Variants in GRK3 observed in about 807,000 individuals in gnomAD.
GRK3 encodes the protein G protein-coupled receptor kinase 3.
GRK3 carries 54 observed loss-of-function variants against 95.7 expected under a neutral mutation model. The ratio of observed to expected loss-of-function variants is 0.56; its 90% CI spans 0.45 to 0.71. The LOEUF (loss-of-function observed/expected upper bound fraction) is 0.71. Among genes scored for constraint, GRK3 ranks in the 30% least tolerant of loss-of-function variants. GRK3 has a pLI of 0.00. For missense variants in GRK3, 649 were observed against 851.2 expected (o/e 0.76, Z 2.96); for synonymous variants, 281 against 290.8 (o/e 0.97, Z 0.34).
At chr22:25,638,009 A>G (rs2084715375) in intron 2 of GRK3, among the ~76,000 whole-genome samples, 1 of 152,188 alleles carries the variant, frequency 6.6e-6, no homozygotes, top group African/African-American at 2.4e-5. Flanking sequence ...ACTGATCTAA[A>G]TTTTAATCTC....
intron 14 of GRK3, 31 bp downstream of exon 14, chr22:25,703,607 G>T: frequency 2.0e-6 from 3 of 1,480,208 alleles, no homozygotes; most frequent in Non-Finnish European, 2.8e-6. Context: ...ATTCTTGTCT[G>T]TATGGTAATT....
intron 18 of GRK3, among the ~76,000 whole-genome samples, chr22:25,714,847 T>A (rs1293563089): frequency 6.6e-6 from 1 of 152,138 alleles, no homozygotes; most frequent in African/African-American, 2.4e-5. Context: ...CGTTTTTTCC[T>A]TCCAGATTGA....
chr22:25,700,382 G>T (rs1189397374), intron 13 of GRK3, among the ~76,000 whole-genome samples: 1 of 152,180 alleles, frequency 6.6e-6, no homozygotes, highest in Admixed American at 6.5e-5. Context: ...CAGTGGCCTC[G>T]ATCTTAAGCT....
intron 2 of GRK3, among the ~76,000 whole-genome samples, chr22:25,637,089 T>C (rs1182227165): frequency 6.6e-6 from 1 of 150,772 alleles, no homozygotes; most frequent in Non-Finnish European, 1.5e-5. Flanking sequence ...TCATCCTTTC[T>C]CTCTTTTTGA....
intron 2 of GRK3, among the ~76,000 whole-genome samples, chr22:25,624,517 T>C (rs1305839685): frequency 6.6e-6 from 1 of 152,016 alleles, no homozygotes; most frequent in Non-Finnish European, 1.5e-5. Context: ...TGAGCCTAGA[T>C]CACGCCACTG....
intron 4 of GRK3, among the ~76,000 whole-genome samples, chr22:25,662,188 G>A (rs1409810185): frequency 6.6e-6 from 1 of 152,062 alleles, no homozygotes; most frequent in Non-Finnish European, 1.5e-5. Context: ...GGATAAACTA[G>A]GTTATTAGGA....
chr22:25,648,588 C>A, intron 3 of GRK3: 1 of 1,271,770 alleles, frequency 7.9e-7, no homozygotes, highest in Non-Finnish European at 1.1e-6. Flanking sequence ...AAAAATAAGA[C>A]ATGGTAAACT....
chr22:25,702,932 C>T (rs1278983207), intron 13 of GRK3: 7 of 455,542 alleles, frequency 1.5e-5, no homozygotes, highest in South Asian at 3.1e-5. Flanking sequence ...ACTCTGGAGT[C>T]GGGTTCTGCA....
chr22:25,647,750 T>C lies in GRK3; in HGVS notation c.264+3085T>C, dbSNP rs576686155. 2.7e-5 allele frequency: 30 copies of C among 1,126,484 alleles called. No individual in the cohort carries two copies. In the East Asian group the frequency reaches 6.9e-4, roughly 26 times the overall value. The allele number at this position is 1,126,484 out of a possible 1,614,324, so 69.8% of individuals were successfully genotyped here. On this transcript the variant is annotated intron_variant, in intron 3 of 20. Transcript: ENST00000324198. ...GCAGAAGAATGGTATTTTGGCAAAATGGGGAGAAAAGATGCTGAAAGATTA... is the reference window on the plus strand; with the variant it reads ...GCAGAAGAATGGTATTTTGGCAAAACGGGGAGAAAAGATGCTGAAAGATTA...
chr22:25,652,344 T>C (rs771918453), intron 3 of GRK3, among the ~76,000 whole-genome samples: 5 of 152,084 alleles, frequency 3.3e-5, no homozygotes, highest in African/African-American at 4.8e-5. Flanking sequence ...GGCAGGAGAA[T>C]GGCGTGAACC....
chr22:25,704,852 A>G (rs2085287245), intron 15 of GRK3, among the ~76,000 whole-genome samples: 1 of 152,126 alleles, frequency 6.6e-6, no homozygotes, highest in Admixed American at 6.5e-5. Context: ...TATTTCTCTC[A>G]TGCATAACTG....
intron 1 of GRK3, among the ~76,000 whole-genome samples, chr22:25,586,686 T>C (rs1473010017): frequency 4.6e-5 from 7 of 152,354 alleles, no homozygotes; most frequent in African/African-American, 1.7e-4. Context: ...GAGATTTTCA[T>C]GTGAAAAGGA....
intron 2 of GRK3, among the ~76,000 whole-genome samples, chr22:25,640,213 C>T (rs2084733041): frequency 6.6e-6 from 1 of 152,152 alleles, no homozygotes; most frequent in African/African-American, 2.4e-5. Context: ...TTACATATTG[C>T]AGCATTTTCT....
chr22:25,695,390 A>G (rs2085199332), intron 13 of GRK3, among the ~76,000 whole-genome samples, 176 bp downstream of exon 13: 1 of 152,188 alleles, frequency 6.6e-6, no homozygotes, highest in African/African-American at 2.4e-5. Flanking sequence ...GCTTCCCAAT[A>G]AGCTGCTAGA....
chr22:25,580,420 G>A (rs1932057757), intron 1 of GRK3: 1 of 152,216 alleles, frequency 6.6e-6, no homozygotes. Flanking sequence ...TTATCAATTT[G>A]AAGGGGGAGT....
At chr22:25,619,074 G>T (rs2084561153) in intron 2 of GRK3, among the ~76,000 whole-genome samples, 1 of 152,110 alleles carries the variant, frequency 6.6e-6, no homozygotes. Context: ...TTGGCTCTTG[G>T]TGAGAAAATT....
Position 25,630,550 on chromosome 22 carries a change from G to C in GRK3, c.191-14042G>C, listed in dbSNP as rs57278396. On this transcript the variant is annotated intron_variant, in intron 2 of 20. Transcript: ENST00000324198. Reference sequence around the variant, plus strand: ...ATATAATGGTTTTAAAAGGCTGAAAGCAATCCAGCCATTGGAAGGGTTTGA... The same window carrying C: ...ATATAATGGTTTTAAAAGGCTGAAACCAATCCAGCCATTGGAAGGGTTTGA... Among the ~76,000 whole-genome samples, 369 of 152,288 alleles carry C rather than the reference G, an allele frequency of 2.4e-3. 4 individuals carry two copies. Among genetic ancestry groups the C allele is most frequent in the African/African-American group, 8.3e-3 (345 of 41,564 alleles).
At chr22:25,699,699 C>CTTTTTTTTTTTTTTT (rs532664312) in intron 13 of GRK3, among the ~76,000 whole-genome samples, 2 of 129,248 alleles carry the variant, frequency 1.5e-5, no homozygotes, top group Non-Finnish European at 3.4e-5. Flanking sequence ...CTTTTCTTTT[C>CTTTTTTTTTTTTTTT]TTTTTTTTTT....
intron 2 of GRK3, among the ~76,000 whole-genome samples, chr22:25,609,425 A>T (rs2084478467): frequency 6.6e-6 from 1 of 151,740 alleles, no homozygotes; most frequent in South Asian, 2.1e-4. Context: ...TCTGCCTCAC[A>T]GGTTCAAGCA....
Sources: allele counts gnomAD v4.1 joint callset (sites outside exome capture counted in the v4.1 genomes callset), GRCh38; gene constraint gnomAD v4.1.1; transcripts MANE v1.5; gene names NCBI Gene and HGNC (gene_info 2026-07-23, HGNC 2026-07-21).